The following FOXP1 variants were observed in gnomAD, a reference collection of about 807,000 sequenced individuals.
FOXP1 encodes the protein forkhead box P1.
A neutral mutation model predicts 98.2 loss-of-function variants in FOXP1; 15 were observed. The ratio of observed to expected loss-of-function variants is 0.15; its 90% confidence interval spans 0.10 to 0.24. The LOEUF (loss-of-function observed/expected upper bound fraction) is 0.24, where lower values mean the gene tolerates loss of function less well. Ranked by LOEUF, FOXP1 falls within the 10% of genes least tolerant of loss-of-function variation. The pLI is 1.00. For synonymous variants in FOXP1, 371 were observed against 314.5 expected (o/e 1.18, Z -1.90); for missense variants, 633 against 848.5 (o/e 0.75, Z 3.15).
intron 5 of FOXP1, among the ~76,000 whole-genome samples, chr3:71,252,087 G>T (rs2068238017): frequency 6.8e-6 from 1 of 147,842 alleles, no homozygotes; most frequent in Non-Finnish European, 1.5e-5. Flanking sequence ...AGGGGAAAAT[G>T]ACTTTTTTTC....
chr3:71,398,590 A>C (rs1053235258), intron 3 of FOXP1, among the ~76,000 whole-genome samples: 1 of 152,216 alleles, frequency 6.6e-6, no homozygotes, highest in Non-Finnish European at 1.5e-5. Flanking sequence ...ACTCACACCA[A>C]GAACCACGGG....
At chr3:71,096,179 G>T (rs990067196) in intron 7 of FOXP1, among the ~76,000 whole-genome samples, 7 of 152,346 alleles carry the variant, frequency 4.6e-5, no homozygotes, top group African/African-American at 1.7e-4. Flanking sequence ...CTAGAAGAAG[G>T]CTAGGGAATG....
chr3:71,546,475 CTT>C (rs1394961551), intron 2 of FOXP1, among the ~76,000 whole-genome samples: 1 of 152,118 alleles, frequency 6.6e-6, no homozygotes, highest in Non-Finnish European at 1.5e-5. Context: ...CTTTAAGAAA[CTT>C]TTCGATGATG....
At chr3:71,314,880 T>G (rs1177658087) in intron 4 of FOXP1, among the ~76,000 whole-genome samples, 2 of 151,918 alleles carry the variant, frequency 1.3e-5, no homozygotes, top group Non-Finnish European at 2.9e-5. Flanking sequence ...CTTGTACTTT[T>G]CAAGTCTGTG....
intron 12 of FOXP1, among the ~76,000 whole-genome samples, chr3:71,008,971 C>T (rs772413826): frequency 1.3e-5 from 2 of 151,872 alleles, no homozygotes; most frequent in South Asian, 4.2e-4. Context: ...GGATTTTTAT[C>T]CTGAAGAACC....
chr3:71,426,978 T>C (rs2084214076), intron 3 of FOXP1, among the ~76,000 whole-genome samples: 1 of 151,806 alleles, frequency 6.6e-6, no homozygotes. Context: ...GGAGAATCGT[T>C]TGAACCTGGG....
At chr3:71,556,613 G>C (rs2046158012) in intron 2 of FOXP1, among the ~76,000 whole-genome samples, 1 of 147,616 alleles carries the variant, frequency 6.8e-6, no homozygotes, top group Non-Finnish European at 1.5e-5. Flanking sequence ...ATCTAGAAAG[G>C]TTAGTTTACT....
At chr3:71,383,757 A>G (rs1483425592) in intron 3 of FOXP1, among the ~76,000 whole-genome samples, 1 of 152,212 alleles carries the variant, frequency 6.6e-6, no homozygotes, top group African/African-American at 2.4e-5. Context: ...TTGGAAGGAA[A>G]TGGTGAGACA....
At chr3:71,526,744 G>A (rs182908930) in intron 2 of FOXP1, among the ~76,000 whole-genome samples, 2 of 152,092 alleles carry the variant, frequency 1.3e-5, no homozygotes, top group Non-Finnish European at 2.9e-5. Context: ...GAGGTGGGCG[G>A]ATCACCCAAG....
At chr3:71,290,442 C>T (rs1046457867) in intron 5 of FOXP1, among the ~76,000 whole-genome samples, 1 of 152,218 alleles carries the variant, frequency 6.6e-6, no homozygotes, top group Non-Finnish European at 1.5e-5. Flanking sequence ...AGCACCTCCC[C>T]TGCCATTGTG....
In FOXP1 at chr3:71,237,231, G is replaced by GAAAAAAAAA. The variant is rs757405755; in HGVS notation, c.-11-38848_-11-38840dup. ...TGGGCGACAGAGCAAGACTCCATCT[G>GAAAAAAAAA]AAAAAAAAAAAAAAAAAAAAAAAAA... On this transcript the variant is annotated intron_variant, in intron 5 of 20. Coordinates refer to ENST00000649528, the MANE Select transcript of FOXP1 (RefSeq NM_001349338.3). Among the ~76,000 whole-genome samples the GAAAAAAAAA allele has an allele frequency of 7.8e-4, 22 of 28,286 alleles. 4 individuals are homozygous for GAAAAAAAAA. Among genetic ancestry groups the GAAAAAAAAA allele is most frequent in the Middle Eastern group, 0.062 (1 of 16 alleles). The allele number at this position is 28,286 out of a possible 152,430, so 18.6% of individuals were successfully genotyped here.
chr3:71,174,824 A>C lies in FOXP1; in HGVS notation c.180+23378T>G, dbSNP rs565951372. Among the ~76,000 whole-genome samples, 475 of 149,388 alleles carry C rather than the reference A, an allele frequency of 3.2e-3. 1 individual carries two copies. The highest frequency in any genetic ancestry group is 0.011 in the African/African-American group (444 of 40,156). ...CACACACACACACACACACACACAC[A>C]CACCCCAATATACCCCAGGGTAGGA... is the stretch of plus-strand genomic sequence containing the variant. On this transcript the variant is annotated intron_variant, in intron 6 of 20. Coordinates refer to ENST00000649528, the MANE Select transcript of FOXP1 (RefSeq NM_001349338.3).
chr3:71,208,738 C>A (rs1039478463), intron 5 of FOXP1, among the ~76,000 whole-genome samples: 9 of 152,132 alleles, frequency 5.9e-5, no homozygotes, highest in African/African-American at 1.2e-4. Flanking sequence ...GAATAATCAA[C>A]AGATTTCATA....
intron 5 of FOXP1, among the ~76,000 whole-genome samples, chr3:71,227,371 C>T (rs2065922851): frequency 6.6e-6 from 1 of 152,130 alleles, no homozygotes; most frequent in Non-Finnish European, 1.5e-5. Flanking sequence ...TGTAAACATA[C>T]ACTTGTCAAA....
chr3:71,224,028 AAAG>A (rs1341807588), intron 5 of FOXP1, among the ~76,000 whole-genome samples: 2 of 152,208 alleles, frequency 1.3e-5, no homozygotes, highest in African/African-American at 2.4e-5. Context: ...GGAGGTGATC[AAAG>A]AAGAAGAAGT....
chr3:71,055,319 G>C (rs563234455), intron 7 of FOXP1, among the ~76,000 whole-genome samples: 1 of 152,128 alleles, frequency 6.6e-6, no homozygotes, highest in African/African-American at 2.4e-5. Flanking sequence ...TGCCAGTGTC[G>C]TGTGTTTGGA....
intron 6 of FOXP1, among the ~76,000 whole-genome samples, chr3:71,176,639 G>A (rs2108252818): frequency 6.6e-6 from 1 of 151,734 alleles, no homozygotes; most frequent in East Asian, 1.9e-4. Context: ...TACTTGAGAG[G>A]CTCGGGTGGG....
At chr3:71,073,772 T>C (rs572443742) in intron 7 of FOXP1, among the ~76,000 whole-genome samples, 1 of 152,256 alleles carries the variant, frequency 6.6e-6, no homozygotes, top group Admixed American at 6.5e-5. Context: ...AACCCTCCAA[T>C]GTTGTTCACA....
chr3:71,175,677 A>C (rs938487307), intron 6 of FOXP1, among the ~76,000 whole-genome samples: 4 of 152,214 alleles, frequency 2.6e-5, no homozygotes, highest in African/African-American at 9.7e-5. Flanking sequence ...CTGACTTCAT[A>C]AAATAAGCCA....
Sources: gnomAD v4.1 joint callset for allele counts (sites outside exome capture counted in the v4.1 genomes callset) on GRCh38, gnomAD v4.1.1 for gene constraint, MANE v1.5 for transcripts, NCBI Gene and HGNC (gene_info 2026-07-23, HGNC 2026-07-21) for gene names.